IL1RAPL2: variants seen among roughly 807,000 people sequenced by gnomAD.
The protein encoded by IL1RAPL2 is X-linked interleukin-1 receptor accessory protein-like 2.
Under a neutral mutation model 44.1 loss-of-function variants are expected in IL1RAPL2, and 3 were observed. The observed-to-expected ratio is 0.07, with a 90% CI of 0.03 to 0.18. The LOEUF (loss-of-function observed/expected upper bound fraction) is 0.18, where lower values mean the gene tolerates loss of function less well. IL1RAPL2 is among the 10% of genes least tolerant of loss of function. The probability of loss-of-function intolerance (pLI) is 1.00; values close to 1 mark genes in which losing one functional copy is unlikely to be tolerated. For missense variants in IL1RAPL2, 391 were observed against 496.4 expected (o/e 0.79, Z 2.02); for synonymous variants, 181 against 178.8 (o/e 1.01, Z -0.10).
intron 5 of IL1RAPL2, among the ~76,000 whole-genome samples, chrX:105,418,558 ATTG>A (rs1452194519): frequency 8.9e-6 from 1 of 111,748 alleles, no homozygotes; most frequent in Non-Finnish European, 1.9e-5. Context: ...TGTATAACTA[ATTG>A]TTGCATGTTC....
chrX:105,229,293 G>C (rs1556192949), intron 3 of IL1RAPL2, among the ~76,000 whole-genome samples: 1 of 112,328 alleles, frequency 8.9e-6, no homozygotes, highest in African/African-American at 3.2e-5. Context: ...AAATCAACCT[G>C]AGTTTCAGAC....
intron 2 of IL1RAPL2, among the ~76,000 whole-genome samples, chrX:105,097,461 C>T (rs748399417): frequency 1.8e-5 from 2 of 110,262 alleles, no homozygotes; most frequent in South Asian, 7.7e-4. Context: ...GTCTCATTTC[C>T]AGGAGGGGAA....
intron 2 of IL1RAPL2, among the ~76,000 whole-genome samples, chrX:104,945,446 T>C (rs1220204767): frequency 9.0e-6 from 1 of 111,054 alleles, no homozygotes; most frequent in Non-Finnish European, 1.9e-5. Context: ...GAATAATATA[T>C]ACTCATAACT....
intron 4 of IL1RAPL2, among the ~76,000 whole-genome samples, chrX:105,266,955 T>A (rs1026510372): frequency 2.7e-5 from 3 of 111,670 alleles, no homozygotes; most frequent in Non-Finnish European, 1.9e-5. Context: ...TAATAATGCC[T>A]AAGACTCCCC....
At chrX:105,664,040 A>G (rs777431576) in intron 6 of IL1RAPL2, among the ~76,000 whole-genome samples, 5 of 112,091 alleles carry the variant, frequency 4.5e-5, no homozygotes, top group Admixed American at 9.5e-5. Flanking sequence ...TCAAGTCAAT[A>G]TATGATAACT....
intron 5 of IL1RAPL2, among the ~76,000 whole-genome samples, chrX:105,459,545 C>A (rs2036079239): frequency 9.0e-6 from 1 of 111,112 alleles, no homozygotes; most frequent in Non-Finnish European, 1.9e-5. Flanking sequence ...GTGCAATATT[C>A]CTGGTTTTAT....
intron 2 of IL1RAPL2, among the ~76,000 whole-genome samples, chrX:104,785,886 T>C (rs1012716160): frequency 1.8e-5 from 2 of 112,017 alleles, no homozygotes; most frequent in Middle Eastern, 4.6e-3. Flanking sequence ...GATTTGTCAC[T>C]TGGGATTCTC....
intron 5 of IL1RAPL2, among the ~76,000 whole-genome samples, chrX:105,375,263 G>A (rs188747670): frequency 1.8e-5 from 2 of 111,222 alleles, no homozygotes; most frequent in East Asian, 5.7e-4. Flanking sequence ...TGTAATCCCA[G>A]CACTTTGGGA....
In IL1RAPL2 at chrX:105,392,247, G is replaced by A. The variant is rs759231625; in HGVS notation, c.698-92066G>A. ...ATAGGCTCAATTGGAAGCTAGTGAAGTTTTAATCAGTTGTCCATTTAGGAC... is the reference window on the plus strand; with the variant it reads ...ATAGGCTCAATTGGAAGCTAGTGAAATTTTAATCAGTTGTCCATTTAGGAC... On this transcript the variant is annotated intron_variant, in intron 5 of 10. Coordinates refer to ENST00000372582, the MANE Select transcript of IL1RAPL2 (RefSeq NM_017416.2). 1.8e-4 allele frequency among the ~76,000 whole-genome samples: 20 copies of A among 110,957 alleles called. No individual in the cohort carries two copies. The South Asian group carries it at 7.7e-3, about 42-fold the overall frequency.
intron 2 of IL1RAPL2, among the ~76,000 whole-genome samples, chrX:105,001,408 CT>C (rs2030848815): frequency 1.8e-5 from 2 of 111,048 alleles, no homozygotes; most frequent in East Asian, 5.7e-4. Flanking sequence ...TCTTTTGGCC[CT>C]TTGCTATAGT....
intron 6 of IL1RAPL2, among the ~76,000 whole-genome samples, chrX:105,492,604 A>G (rs1172134803): frequency 9.1e-6 from 1 of 109,431 alleles, no homozygotes; most frequent in Non-Finnish European, 1.9e-5. Flanking sequence ...TGATAATATC[A>G]GTAGTAGTAG....
chrX:105,174,119 G>C (rs773401689), intron 2 of IL1RAPL2, among the ~76,000 whole-genome samples: 2 of 110,992 alleles, frequency 1.8e-5, no homozygotes, highest in Non-Finnish European at 3.8e-5. Flanking sequence ...GGGAACCCCT[G>C]CCTCTAATCC....
chrX:105,107,125 C>T (rs747328415), intron 2 of IL1RAPL2, among the ~76,000 whole-genome samples: 1 of 112,840 alleles, frequency 8.9e-6, no homozygotes, highest in East Asian at 2.8e-4. Context: ...TGGTGTTAAG[C>T]TGCCCATTTT....
intron 2 of IL1RAPL2, among the ~76,000 whole-genome samples, chrX:105,034,899 G>C (rs915716181): frequency 9.4e-6 from 1 of 106,337 alleles, no homozygotes; most frequent in Non-Finnish European, 1.9e-5. Context: ...CCCAGTTCGA[G>C]CTTCCCAGCT....
intron 2 of IL1RAPL2, among the ~76,000 whole-genome samples, chrX:105,085,837 A>G (rs776094119): frequency 1.7e-3 from 186 of 112,172 alleles, no homozygotes; most frequent in Non-Finnish European, 3.0e-3. Flanking sequence ...TTTTTATGTT[A>G]TATGTGTTAT....
intron 6 of IL1RAPL2, among the ~76,000 whole-genome samples, chrX:105,524,288 CACA>C (rs954315078): frequency 1.8e-5 from 2 of 110,993 alleles, no homozygotes; most frequent in African/African-American, 6.5e-5. Context: ...TTCAATCTAT[CACA>C]ACATTTGAAG....
intron 2 of IL1RAPL2, among the ~76,000 whole-genome samples, chrX:104,994,801 G>A (rs1468951071): frequency 9.0e-6 from 1 of 111,098 alleles, no homozygotes; most frequent in Non-Finnish European, 1.9e-5. Flanking sequence ...GAAAATTACT[G>A]TGAGCTCCTT....
intron 5 of IL1RAPL2, among the ~76,000 whole-genome samples, chrX:105,381,277 C>A (rs1445324077): frequency 9.0e-6 from 1 of 111,288 alleles, no homozygotes; most frequent in African/African-American, 3.3e-5. Flanking sequence ...CCTAAATGTA[C>A]ATTTTTCTAT....
chrX:104,676,772 C>A (rs1417590042), intron 2 of IL1RAPL2, among the ~76,000 whole-genome samples: 4 of 111,681 alleles, frequency 3.6e-5, no homozygotes, highest in Admixed American at 9.5e-5. Context: ...CACATAGTCC[C>A]ATATTTCTTG....
Sources: gnomAD v4.1 joint callset for allele counts (sites outside exome capture counted in the v4.1 genomes callset) on GRCh38, gnomAD v4.1.1 for gene constraint, MANE v1.5 for transcripts, NCBI Gene and HGNC (gene_info 2026-07-23, HGNC 2026-07-21) for gene names.